CACNB2: variants seen among roughly 807,000 people sequenced by gnomAD.
CACNB2 encodes the protein calcium voltage-gated channel auxiliary subunit beta 2.
Under a neutral mutation model 73.3 loss-of-function variants are expected in CACNB2, and 42 were observed. The ratio of observed to expected loss-of-function variants is 0.57; its 90% CI spans 0.45 to 0.74. The LOEUF (loss-of-function observed/expected upper bound fraction) is 0.74, where lower values mean the gene tolerates loss of function less well. CACNB2 is among the 30% of genes least tolerant of loss of function. The probability of loss-of-function intolerance (pLI) is 0.00; values close to 1 mark genes in which losing one functional copy is unlikely to be tolerated. For synonymous variants in CACNB2, 348 were observed against 310.3 expected, an observed-to-expected ratio of 1.12 and a Z score of -1.28; for missense variants, 940 against 853.0, an observed-to-expected ratio of 1.10 and a Z score of -1.27.
chr10:18,299,540 A>G (rs974427937), intron 2 of CACNB2, among the ~76,000 whole-genome samples: 9 of 152,096 alleles, frequency 5.9e-5, no homozygotes, highest in Non-Finnish European at 1.5e-5. Flanking sequence ...GTGAAACCCC[A>G]TCTCCACAAA....
intron 4 of CACNB2, 93 bp downstream of exon 4, chr10:18,498,570 G>A: frequency 8.0e-7 from 1 of 1,256,004 alleles, no homozygotes; most frequent in South Asian, 1.2e-5. Flanking sequence ...CTGTGAAGTA[G>A]CATTGCACAT....
chr10:18,462,360 T>A (rs892923487), intron 3 of CACNB2, among the ~76,000 whole-genome samples: 4 of 152,134 alleles, frequency 2.6e-5, no homozygotes, highest in African/African-American at 9.7e-5. Flanking sequence ...GCTCAAGCGA[T>A]CCTCCCACCT....
chr10:18,462,322 G>T (rs113873902), intron 3 of CACNB2, among the ~76,000 whole-genome samples: 1 of 151,900 alleles, frequency 6.6e-6, no homozygotes, highest in South Asian at 2.1e-4. Context: ...GGTACAATCC[G>T]CAGCTCACTG....
chr10:18,230,922 A>G (rs2131446979), intron 2 of CACNB2, among the ~76,000 whole-genome samples: 1 of 152,226 alleles, frequency 6.6e-6, no homozygotes, highest in Middle Eastern at 3.4e-3. Flanking sequence ...TTTCCAGACA[A>G]AAAGAAAAAC....
Position 18,534,191 on chromosome 10 carries a change from C to T in CACNB2, c.1170C>T (p.Ala390=), listed in dbSNP as rs767828060. 3.7e-6 allele frequency: 6 copies of T among 1,613,276 alleles called. No homozygotes were observed. Among genetic ancestry groups the T allele is most frequent in the Non-Finnish European group, 5.1e-6 (6 of 1,179,446 alleles). ...CTCAACTCAGTAAAACCTCCTTGGC[C>T]CCTATTATAGTATATGTAAAGATTT... ...HPAQLSKTSL[A]PIIVYVKISS... Residue 390 remains alanine, a synonymous_variant, in exon 11 of 14, where the codon GCC becomes GCT. Transcript: ENST00000324631.
intron 2 of CACNB2, among the ~76,000 whole-genome samples, chr10:18,327,825 G>A (rs945192498): frequency 6.6e-6 from 1 of 152,156 alleles, no homozygotes; most frequent in African/African-American, 2.4e-5. Context: ...CAGATGAGCA[G>A]GGTTTGGCAC....
At chr10:18,330,909 T>A (rs2040773958) in intron 2 of CACNB2, among the ~76,000 whole-genome samples, 1 of 151,970 alleles carries the variant, frequency 6.6e-6, no homozygotes. Flanking sequence ...CCTCATAATC[T>A]GCCCACCTCG....
intron 2 of CACNB2, among the ~76,000 whole-genome samples, chr10:18,377,955 G>A (rs2042868827): frequency 6.6e-6 from 1 of 152,142 alleles, no homozygotes; most frequent in Non-Finnish European, 1.5e-5. Flanking sequence ...GATAGACACA[G>A]GGCCCTTGAA....
At chr10:18,144,413 T>A (rs148223772) in intron 1 of CACNB2, among the ~76,000 whole-genome samples, 4,006 of 152,328 alleles carry the variant, frequency 0.026, 75 homozygotes, top group Middle Eastern at 0.099. Flanking sequence ...GGGAAATGAA[T>A]GGCAATCTAA....
rs144443366 is a variant in CACNB2, at chr10:18,479,191, C to T, written c.334-19164C>T. 2.2e-3 allele frequency among the ~76,000 whole-genome samples: 328 copies of T among 152,048 alleles called. 2 individuals are homozygous for T. The highest frequency in any genetic ancestry group is 5.7e-3 in the African/African-American group (236 of 41,486). ...GTGTGTACATATTGTTATCTGTATA[C>T]GTATATCTGTATTATATAACATATA... is the stretch of plus-strand genomic sequence containing the variant. On this transcript the variant is annotated intron_variant, in intron 3 of 13. Coordinates refer to ENST00000324631, the MANE Select transcript of CACNB2 (RefSeq NM_201596.3).
At chr10:18,198,180 CATCACATAT>C (rs1181836991) in intron 2 of CACNB2, among the ~76,000 whole-genome samples, 1 of 147,320 alleles carries the variant, frequency 6.8e-6, no homozygotes, top group Non-Finnish European at 1.5e-5. Flanking sequence ...AATATATTAA[CATCACATAT>C]ATTACATATA....
chr10:18,504,619 G>A (rs184531952), intron 5 of CACNB2, among the ~76,000 whole-genome samples: 81 of 150,018 alleles, frequency 5.4e-4, no homozygotes, highest in African/African-American at 1.8e-3. Context: ...GCTTTCATAG[G>A]TTTTTACATT....
At chr10:18,164,483 G>A (rs2032701398) in intron 2 of CACNB2, among the ~76,000 whole-genome samples, 1 of 152,108 alleles carries the variant, frequency 6.6e-6, no homozygotes, top group African/African-American at 2.4e-5. Context: ...GTTAGTGTGT[G>A]TTAGACAATT....
rs892127181 is a variant in CACNB2, at chr10:18,405,378, T to C, written c.333+3335T>C. Among the ~76,000 whole-genome samples, 6 of 152,342 alleles carry C rather than the reference T, an allele frequency of 3.9e-5. No individual in the cohort carries two copies. In the East Asian group the frequency reaches 9.6e-4, roughly 24 times the overall value. ...TGAAATCTTACCATAGGTGATCTTT[T>C]GTGATTGGCTACTTTTGGACATCTG... On this transcript the variant is annotated intron_variant, in intron 3 of 13. Coordinates refer to ENST00000324631, the MANE Select transcript of CACNB2 (RefSeq NM_201596.3).
At chr10:18,475,582 A>C (rs1419473018) in intron 3 of CACNB2, among the ~76,000 whole-genome samples, 1 of 152,192 alleles carries the variant, frequency 6.6e-6, no homozygotes, top group Non-Finnish European at 1.5e-5. Flanking sequence ...ATATGGCTCC[A>C]CTTATTGATC....
intron 2 of CACNB2, among the ~76,000 whole-genome samples, chr10:18,349,128 A>AG (rs2041599257): frequency 6.6e-6 from 1 of 152,140 alleles, no homozygotes; most frequent in East Asian, 1.9e-4. Context: ...AACAGAACAA[A>AG]GGGACCTCAG....
intron 2 of CACNB2, among the ~76,000 whole-genome samples, chr10:18,382,165 G>A (rs74360634): frequency 6.6e-6 from 1 of 151,940 alleles, no homozygotes; most frequent in East Asian, 1.9e-4. Flanking sequence ...CAAAATTACA[G>A]CAACAATAAT....
chr10:18,190,459 A>T (rs184318395), intron 2 of CACNB2, among the ~76,000 whole-genome samples: 21 of 152,258 alleles, frequency 1.4e-4, no homozygotes, highest in Middle Eastern at 3.4e-3. Flanking sequence ...GTCATGGGAG[A>T]CGTCCTGGAA....
intron 5 of CACNB2, among the ~76,000 whole-genome samples, chr10:18,505,266 G>A (rs1396868044): frequency 6.6e-6 from 1 of 151,444 alleles, no homozygotes; most frequent in East Asian, 1.9e-4. Flanking sequence ...AAAACTTCTG[G>A]GGAAAAAAAT....
Sources: gnomAD v4.1 joint callset for allele counts (sites outside exome capture counted in the v4.1 genomes callset) on GRCh38, gnomAD v4.1.1 for gene constraint, MANE v1.5 for transcripts, NCBI Gene and HGNC (gene_info 2026-07-23, HGNC 2026-07-21) for gene names.